Variants in GABRA4 observed in about 807,000 individuals in gnomAD.
GABRA4 encodes the protein gamma-aminobutyric acid type A receptor subunit alpha4.
Under a neutral mutation model 49.7 loss-of-function variants are expected in GABRA4, and 12 were observed. The ratio of observed to expected loss-of-function variants is 0.24; its 90% CI spans 0.15 to 0.39. The LOEUF (loss-of-function observed/expected upper bound fraction) is 0.39. Among genes scored for constraint, GABRA4 ranks in the 10% least tolerant of loss-of-function variants. GABRA4 has a pLI of 1.00. For synonymous variants in GABRA4, 288 were observed against 240.2 expected, an observed-to-expected ratio of 1.20 and a Z score of -1.84; for missense variants, 506 against 686.0, an observed-to-expected ratio of 0.74 and a Z score of 2.93.
chr4:46,959,778 A>G (rs1027997166), intron 8 of GABRA4, among the ~76,000 whole-genome samples: 4 of 143,018 alleles, frequency 2.8e-5, no homozygotes, highest in African/African-American at 1.0e-4. Flanking sequence ...AAAAAAAAAG[A>G]AAAGAAAACT....
At position 46,928,521 on chromosome 4, in the gene GABRA4, TAGG is replaced by T. The variant is rs763493538; in HGVS notation, c.1366_1368del (p.Pro456del). ...GGCATATATCCAGTTCGGATAGAAG[TAGG>T]AGAAGCAGATGGAAGTGCTCTTGCT... On this transcript the variant is annotated inframe_deletion, in exon 9 of 9. Transcript: ENST00000264318. The T allele has an allele frequency of 7.4e-6, 12 of 1,613,560 alleles. 1 individual carries two copies. Among genetic ancestry groups the T allele is most frequent in the South Asian group, 4.4e-5 (4 of 91,082 alleles).
intron 8 of GABRA4, among the ~76,000 whole-genome samples, chr4:46,959,976 A>G (rs1048349687): frequency 5.3e-5 from 8 of 151,384 alleles, no homozygotes; most frequent in African/African-American, 1.9e-4. Context: ...TTATTAGAAA[A>G]TCACAAATTG....
At chr4:46,967,308 C>T (rs575132394) in intron 7 of GABRA4, among the ~76,000 whole-genome samples, 1 of 151,038 alleles carries the variant, frequency 6.6e-6, no homozygotes, top group South Asian at 2.1e-4. Context: ...AAAAGGATAC[C>T]CAAATTCAAA....
chr4:46,980,151 T>A (rs1205396317), intron 2 of GABRA4, among the ~76,000 whole-genome samples: 1 of 152,076 alleles, frequency 6.6e-6, no homozygotes, highest in African/African-American at 2.4e-5. Flanking sequence ...CTCTAGAACA[T>A]AATGTGCTCA....
At position 46,928,693 on chromosome 4, in the gene GABRA4, A is replaced by T. The variant is rs761651388; in HGVS notation, c.1197T>A (p.Asp399Glu). The change falls in exon 9 of 9, where the codon GAT becomes GAA. Residue 399 changes from aspartate to glutamate, a missense_variant. By Grantham distance (45) the Asp-to-Glu change is conservative. This residue lies in a region of GABRA4 where 243 missense variants were observed against 210.8 expected (regional missense o/e 1.15). Transcript: ENST00000264318. The stretch of plus-strand genomic sequence containing the variant: ...TTCCCACCTCAGTTCTGTTGCCAAC[A>T]TCAGATTCAGAGTGAACCAAAGCAT... ...RTNALVHSES[D>E]VGNRTEVGNH... is the part of the protein sequence containing the mutation. The T allele has an allele frequency of 1.2e-6, 2 of 1,613,362 alleles. No individual in the cohort carries two copies. The highest frequency in any genetic ancestry group is 1.7e-5 in the Admixed American group (1 of 59,912).
chr4:46,966,816 C>T (rs572953598), intron 7 of GABRA4, among the ~76,000 whole-genome samples: 171 of 151,736 alleles, frequency 1.1e-3, no homozygotes, highest in Non-Finnish European at 2.3e-3. Flanking sequence ...GGTTGTACTC[C>T]CTTTTAAAAA....
intron 8 of GABRA4, among the ~76,000 whole-genome samples, chr4:46,940,854 A>T (rs1721764439): frequency 6.6e-6 from 1 of 152,138 alleles, no homozygotes; most frequent in Non-Finnish European, 1.5e-5. Flanking sequence ...TTATCAAAAA[A>T]CATTCAACGT....
intron 8 of GABRA4, among the ~76,000 whole-genome samples, chr4:46,930,189 T>C (rs1512136): frequency 0.24 from 36,939 of 151,852 alleles, 4,698 homozygotes; most frequent in East Asian, 0.29. Context: ...CAGGGTGCAG[T>C]TGAACTAATG....
Position 46,928,359 on chromosome 4 carries a change from A to ATGGC in GABRA4, c.1530_1531insGCCA (p.Ser511AlafsTer8). On this transcript the variant is annotated frameshift_variant, in exon 9 of 9. Coordinates refer to ENST00000264318, the MANE Select transcript of GABRA4 (RefSeq NM_000809.4). LOFTEE classifies it high-confidence loss of function. ...TCTATTTTACTTGTGCCAGATCCAG[A>ATGGC]AGGTGGTGGAGCCGATGGAGGAGGA... 1 of 1,613,674 alleles carries ATGGC rather than the reference A, an allele frequency of 6.2e-7. No individual in the cohort carries two copies. Among genetic ancestry groups the ATGGC allele is most frequent in the Non-Finnish European group, 8.5e-7 (1 of 1,179,704 alleles).
intron 8 of GABRA4, among the ~76,000 whole-genome samples, chr4:46,964,678 A>G (rs1722690747): frequency 1.3e-5 from 2 of 151,828 alleles, no homozygotes; most frequent in Admixed American, 6.6e-5. Flanking sequence ...GGTTCCTCCT[A>G]ATAGTATACA....
intron 8 of GABRA4, among the ~76,000 whole-genome samples, chr4:46,946,717 C>T (rs1398085014): frequency 1.3e-5 from 2 of 152,108 alleles, no homozygotes; most frequent in Non-Finnish European, 2.9e-5. Context: ...TAACAAATAT[C>T]TGTTGAATGA....
rs972391487 is a variant in GABRA4 at position 46,928,486 on chromosome 4, A to G, written c.1404T>C (p.Ala468=). The G allele has an allele frequency of 3.7e-6, 6 of 1,613,508 alleles. No homozygotes were observed. The highest frequency in any genetic ancestry group is 1.3e-5 in the African/African-American group (1 of 74,892). The change falls in exon 9 of 9, where the codon GCT becomes GCC. Residue 468 remains alanine (A), a synonymous_variant. Transcript: ENST00000264318. ...GACGAGTAGAAGCAGATCCAACTGA[A>G]GCCTTTCGAGGCATATATCCAGTTC... ...SIRTGYMPRK[A]SVGSASTRHV...
chr4:46,952,425 C>T (rs1722203257), intron 8 of GABRA4, among the ~76,000 whole-genome samples: 2 of 152,056 alleles, frequency 1.3e-5, no homozygotes, highest in Admixed American at 1.3e-4. Flanking sequence ...CTTTCTAAAA[C>T]TGTTGCAAAA....
At chr4:46,979,483 A>G (rs1036298735) in intron 2 of GABRA4, among the ~76,000 whole-genome samples, 1 of 152,128 alleles carries the variant, frequency 6.6e-6, no homozygotes, top group African/African-American at 2.4e-5. Context: ...GTGTGGCCAC[A>G]GCAACAAAGA....
chr4:46,942,625 A>AG (rs200768672), intron 8 of GABRA4, among the ~76,000 whole-genome samples: 2,159 of 142,740 alleles, frequency 0.015, 28 homozygotes, highest in South Asian at 0.025. Context: ...ACTCTGTCTC[A>AG]GAAAAAAAAA....
chr4:46,964,592 A>G (rs1326494355), intron 8 of GABRA4, among the ~76,000 whole-genome samples: 1 of 151,830 alleles, frequency 6.6e-6, no homozygotes, highest in Non-Finnish European at 1.5e-5. Flanking sequence ...AGACACAAAC[A>G]AAAACTAACT....
At chr4:46,987,438 A>G (rs1723580361) in intron 2 of GABRA4, among the ~76,000 whole-genome samples, 3 of 152,066 alleles carry the variant, frequency 2.0e-5, no homozygotes. Flanking sequence ...CACACACACT[A>G]TATTTTACTT....
chr4:46,952,848 A>T (rs974446469), intron 8 of GABRA4, among the ~76,000 whole-genome samples: 3 of 152,178 alleles, frequency 2.0e-5, no homozygotes, highest in Admixed American at 1.3e-4. Flanking sequence ...AGATTATAAA[A>T]TAAATAAAAT....
intron 2 of GABRA4, among the ~76,000 whole-genome samples, chr4:46,984,661 G>A (rs941797521): frequency 3.3e-5 from 5 of 151,958 alleles, no homozygotes; most frequent in East Asian, 1.9e-4. Flanking sequence ...GAAAATTATC[G>A]TAGCCAATAA....
Sources: allele counts gnomAD v4.1 joint callset (sites outside exome capture counted in the v4.1 genomes callset), GRCh38; gene constraint gnomAD v4.1.1; regional missense constraint gnomAD v4.1.1; transcripts MANE v1.5; gene names NCBI Gene and HGNC (gene_info 2026-07-23, HGNC 2026-07-21).